The following ANXA7 variants were observed in gnomAD, a reference collection of about 807,000 sequenced individuals.
ANXA7 encodes annexin VII.
Under a neutral mutation model 64.9 loss-of-function variants are expected in ANXA7, and 55 were observed. The observed-to-expected ratio is 0.85, with a 90% CI of 0.68 to 1.06. The LOEUF is 1.06. ANXA7 is among the 50% of genes least tolerant of loss of function. The pLI is 0.00. For missense variants in ANXA7, 548 were observed against 582.1 expected (o/e 0.94, Z 0.60); for synonymous variants, 200 against 192.4 (o/e 1.04, Z -0.33).
intron 6 of ANXA7, among the ~76,000 whole-genome samples, chr10:73,388,066 G>A (rs1056320091): frequency 2.0e-5 from 3 of 151,896 alleles, no homozygotes; most frequent in African/African-American, 7.3e-5. Flanking sequence ...TGTTGGCCAG[G>A]CTGGTCTTGA....
rs544189314 is a variant in ANXA7, at chr10:73,390,499, G to A, written c.436-2085C>T. 1.5e-3 allele frequency among the ~76,000 whole-genome samples: 222 copies of A among 152,004 alleles called. 2 individuals are homozygous for A. The highest frequency in any genetic ancestry group is 4.2e-3 in the Admixed American group (64 of 15,252). On this transcript the variant is annotated intron_variant, in intron 5 of 12. Coordinates refer to ENST00000372921, the MANE Select transcript of ANXA7 (RefSeq NM_001156.5). ...ATAGAAAGCCAAAATTATTCTACTTGTAGCAAATAGTCGAGTATAAAAAAA... is the reference window on the plus strand; with the variant it reads ...ATAGAAAGCCAAAATTATTCTACTTATAGCAAATAGTCGAGTATAAAAAAA...
At chr10:73,389,169 C>T (rs1282922163) in intron 5 of ANXA7, among the ~76,000 whole-genome samples, 2 of 152,126 alleles carry the variant, frequency 1.3e-5, no homozygotes, top group Non-Finnish European at 2.9e-5. Context: ...CTGTGGTACT[C>T]TTGCCAAAAA....
At chr10:73,396,265 C>T (rs1022008499) in intron 5 of ANXA7, among the ~76,000 whole-genome samples, 8 of 152,144 alleles carry the variant, frequency 5.3e-5, no homozygotes, top group African/African-American at 1.4e-4. Context: ...AACCAAGACC[C>T]CAGGTTAATC....
At chr10:73,380,242 A>C (rs2055254848) in intron 9 of ANXA7, 41 bp from the exon 10 acceptor site, 4 of 1,565,926 alleles carry the variant, frequency 2.6e-6, no homozygotes, top group Non-Finnish European at 3.4e-6. Flanking sequence ...AATAAATAAT[A>C]GTTCTACTAA....
At chr10:73,405,841 A>G (rs771914271) in intron 1 of ANXA7, among the ~76,000 whole-genome samples, 4 of 152,232 alleles carry the variant, frequency 2.6e-5, no homozygotes, top group Non-Finnish European at 5.9e-5. Flanking sequence ...CTGTATGTGT[A>G]TAATAAAATA....
intron 3 of ANXA7, 82 bp downstream of exon 3, chr10:73,398,099 G>A (rs1344617332): frequency 7.2e-6 from 10 of 1,381,228 alleles, no homozygotes; most frequent in Non-Finnish European, 8.8e-6. Context: ...TACAAAACAA[G>A]CAGGAATGAA....
intron 5 of ANXA7, among the ~76,000 whole-genome samples, chr10:73,388,969 A>C (rs1042847459): frequency 6.6e-6 from 1 of 152,224 alleles, no homozygotes; most frequent in African/African-American, 2.4e-5. Context: ...TTCAGGCAAG[A>C]ATCAACAGTG....
intron 5 of ANXA7, among the ~76,000 whole-genome samples, chr10:73,390,266 G>C (rs989070700): frequency 6.6e-6 from 1 of 152,068 alleles, no homozygotes; most frequent in South Asian, 2.1e-4. Flanking sequence ...AGCATTTGTG[G>C]GGGCAAAGCA....
At chr10:73,383,541 G>C in intron 8 of ANXA7, 36 bp downstream of exon 8, 1 of 1,502,822 alleles carries the variant, frequency 6.7e-7, no homozygotes, top group Non-Finnish European at 9.2e-7. Flanking sequence ...TATGAAATAG[G>C]ACAAAATATT....
At chr10:73,385,676 C>T (rs555562508) in intron 7 of ANXA7, among the ~76,000 whole-genome samples, 4 of 152,192 alleles carry the variant, frequency 2.6e-5, no homozygotes, top group African/African-American at 9.6e-5. Context: ...AAACTTGAGA[C>T]AGCATTGTGC....
intron 2 of ANXA7, 22 bp downstream of exon 2, chr10:73,400,780 AG>A: frequency 6.3e-7 from 1 of 1,583,248 alleles, no homozygotes; most frequent in East Asian, 2.3e-5. Context: ...TAAGGATGTG[AG>A]GTATTAAGTG....
intron 9 of ANXA7, chr10:73,381,723 T>TAATAGCC (rs1346423040): frequency 6.6e-6 from 1 of 152,250 alleles, no homozygotes; most frequent in Non-Finnish European, 1.5e-5. Flanking sequence ...TGTAAAATCT[T>TAATAGCC]AATAGCCATT....
intron 1 of ANXA7, among the ~76,000 whole-genome samples, chr10:73,401,349 TA>T (rs1314271473): frequency 6.6e-6 from 1 of 152,108 alleles, no homozygotes. Flanking sequence ...ATGTGGATAT[TA>T]GGGGTATAAG....
intron 1 of ANXA7, among the ~76,000 whole-genome samples, chr10:73,406,714 TGC>T (rs1043066938): frequency 7.9e-5 from 12 of 151,972 alleles, no homozygotes; most frequent in African/African-American, 2.7e-4. Context: ...AGACTACAGG[TGC>T]ACACAACCAT....
At chr10:73,384,494 T>C (rs775974232) in intron 7 of ANXA7, among the ~76,000 whole-genome samples, 24 of 149,634 alleles carry the variant, frequency 1.6e-4, no homozygotes, top group Admixed American at 2.7e-4. Flanking sequence ...CTCTGCCTCC[T>C]GGGTTCAAGC....
At chr10:73,390,640 C>A (rs2055456079) in intron 5 of ANXA7, among the ~76,000 whole-genome samples, 2 of 149,040 alleles carry the variant, frequency 1.3e-5, no homozygotes, top group South Asian at 4.2e-4. Flanking sequence ...GATAAACTAA[C>A]CCTCACTGTG....
chr10:73,388,611 T>C (rs960295365), intron 5 of ANXA7, among the ~76,000 whole-genome samples, 197 bp from the exon 6 acceptor site: 3 of 152,132 alleles, frequency 2.0e-5, no homozygotes, highest in Non-Finnish European at 4.4e-5. Context: ...GACAGATTTT[T>C]CTCCTGCCAA....
chr10:73,381,625 C>G (rs898026596), intron 9 of ANXA7: 2 of 152,270 alleles, frequency 1.3e-5, no homozygotes, highest in Admixed American at 6.5e-5. Context: ...TTCACACACA[C>G]TTTCTCAGGA....
chr10:73,396,781 G>A (rs1043813537), intron 4 of ANXA7, among the ~76,000 whole-genome samples, 198 bp from the exon 5 acceptor site: 21 of 152,224 alleles, frequency 1.4e-4, no homozygotes, highest in African/African-American at 5.1e-4. Flanking sequence ...AATATTCCAT[G>A]TTCTACATAA....
Sources: gnomAD v4.1 joint callset for allele counts (sites outside exome capture counted in the v4.1 genomes callset) on GRCh38, gnomAD v4.1.1 for gene constraint, MANE v1.5 for transcripts, NCBI Gene and HGNC (gene_info 2026-07-23, HGNC 2026-07-21) for gene names.